SIPA1L1: variants seen among roughly 807,000 people sequenced by gnomAD.
SIPA1L1 encodes signal induced proliferation associated 1 like 1.
SIPA1L1 carries 26 observed loss-of-function variants against 162.7 expected under a neutral mutation model. That is an observed-to-expected ratio of 0.16 (90% CI 0.12 to 0.22). SIPA1L1 has a LOEUF of 0.22. Among genes scored for constraint, SIPA1L1 ranks in the 10% least tolerant of loss-of-function variants. The probability of loss-of-function intolerance (pLI) is 1.00; values close to 1 mark genes in which losing one functional copy is unlikely to be tolerated. For synonymous variants in SIPA1L1, 829 were observed against 837.4 expected (o/e 0.99, Z 0.17); for missense variants, 1,874 against 2,241.0 (o/e 0.84, Z 3.31).
chr14:71,590,447 A>T (rs1318201824), intron 5 of SIPA1L1, among the ~76,000 whole-genome samples: 1 of 152,126 alleles, frequency 6.6e-6, no homozygotes, highest in Non-Finnish European at 1.5e-5. Flanking sequence ...ATTTAAAATT[A>T]TTGAATGGTA....
intron 4 of SIPA1L1, among the ~76,000 whole-genome samples, chr14:71,564,853 T>G (rs1419528318): frequency 6.6e-6 from 1 of 152,184 alleles, no homozygotes; most frequent in African/African-American, 2.4e-5. Flanking sequence ...GTCAACTTAA[T>G]AGTAAAATAA....
intron 2 of SIPA1L1, among the ~76,000 whole-genome samples, chr14:71,434,928 T>C (rs1278567771): frequency 6.6e-6 from 1 of 152,244 alleles, no homozygotes; most frequent in Non-Finnish European, 1.5e-5. Flanking sequence ...GGTAGCATAC[T>C]GTACTATGCT....
At chr14:71,650,705 TA>T (rs1206218641) in intron 8 of SIPA1L1, among the ~76,000 whole-genome samples, 196 bp downstream of exon 8, 1 of 152,074 alleles carries the variant, frequency 6.6e-6, no homozygotes, top group African/African-American at 2.4e-5. Context: ...AATTAGACTC[TA>T]AAAAAATAGT....
At chr14:71,542,296 C>T (rs1019004308) in intron 4 of SIPA1L1, among the ~76,000 whole-genome samples, 17 of 150,334 alleles carry the variant, frequency 1.1e-4, no homozygotes, top group African/African-American at 4.2e-4. Context: ...TCTTCCTCTT[C>T]TCCTCTTCCT....
chr14:71,658,283 T>G, intron 8 of SIPA1L1, 50 bp from the exon 9 acceptor site: 1 of 897,322 alleles, frequency 1.1e-6, no homozygotes, highest in East Asian at 2.5e-5. Flanking sequence ...CTTAAATAAA[T>G]TATTTTTCCT....
chr14:71,451,928 A>G (rs2045856815), intron 2 of SIPA1L1, among the ~76,000 whole-genome samples: 1 of 152,210 alleles, frequency 6.6e-6, no homozygotes, highest in African/African-American at 2.4e-5. Context: ...GGAATTATAT[A>G]CATCAAAAAC....
At chr14:71,707,924 A>G (rs1409440444) in intron 16 of SIPA1L1, among the ~76,000 whole-genome samples, 2 of 151,710 alleles carry the variant, frequency 1.3e-5, no homozygotes, top group African/African-American at 4.8e-5. Flanking sequence ...TTATAGCCAA[A>G]GTGGCATCTC....
At chr14:71,692,352 C>G (rs964944351) in intron 13 of SIPA1L1, among the ~76,000 whole-genome samples, 1 of 152,278 alleles carries the variant, frequency 6.6e-6, no homozygotes, top group Non-Finnish European at 1.5e-5. Context: ...AAAATTGACT[C>G]AAAGTGAAAT....
intron 2 of SIPA1L1, among the ~76,000 whole-genome samples, chr14:71,456,230 C>T (rs940823152): frequency 1.1e-4 from 16 of 152,076 alleles, no homozygotes; most frequent in East Asian, 1.9e-4. Flanking sequence ...AAAGCAGCCA[C>T]GGTAAAAAAG....
intron 19 of SIPA1L1, among the ~76,000 whole-genome samples, chr14:71,725,582 T>A (rs2084159701): frequency 6.6e-6 from 1 of 152,220 alleles, no homozygotes; most frequent in Admixed American, 6.5e-5. Flanking sequence ...TGGAAAGGTT[T>A]GTGTACTCGT....
intron 2 of SIPA1L1, among the ~76,000 whole-genome samples, chr14:71,477,392 CAAA>C (rs1478566290): frequency 6.6e-6 from 1 of 151,904 alleles, no homozygotes; most frequent in African/African-American, 2.4e-5. Context: ...ACAAAAAAAA[CAAA>C]AACGCGGGTG....
chr14:71,645,192 G>A (rs957511079), intron 7 of SIPA1L1, among the ~76,000 whole-genome samples: 3 of 152,078 alleles, frequency 2.0e-5, no homozygotes, highest in African/African-American at 4.8e-5. Flanking sequence ...TTTTGTCTCC[G>A]TTGTCTTTTT....
At chr14:71,679,725 A>G (rs987788734) in intron 12 of SIPA1L1, among the ~76,000 whole-genome samples, 2 of 152,162 alleles carry the variant, frequency 1.3e-5, no homozygotes, top group South Asian at 4.1e-4. Context: ...TCAAAATAAA[A>G]GGATGGAGGA....
chr14:71,683,784 C>T (rs2046021952), intron 12 of SIPA1L1, among the ~76,000 whole-genome samples: 1 of 152,176 alleles, frequency 6.6e-6, no homozygotes, highest in Admixed American at 6.5e-5. Context: ...TCAAATGTGC[C>T]ATAAAACAAT....
chr14:71,670,566 G>A (rs1361540509), intron 10 of SIPA1L1, among the ~76,000 whole-genome samples: 1 of 152,128 alleles, frequency 6.6e-6, no homozygotes, highest in Non-Finnish European at 1.5e-5. Context: ...GTTGCATAAT[G>A]CCTCACACTT....
chr14:71,464,943 G>T (rs2046882014), intron 2 of SIPA1L1, among the ~76,000 whole-genome samples: 1 of 152,170 alleles, frequency 6.6e-6, no homozygotes, highest in Admixed American at 6.5e-5. Context: ...CTCCTGAGGA[G>T]AATCAACATT....
chr14:71,514,152 T>A (rs945713110), intron 3 of SIPA1L1, among the ~76,000 whole-genome samples: 2 of 152,164 alleles, frequency 1.3e-5, no homozygotes, highest in Non-Finnish European at 2.9e-5. Context: ...CGGTGCAGTA[T>A]CTGCAAAGAT....
chr14:71,663,407 A>G (rs1346824125), intron 10 of SIPA1L1, among the ~76,000 whole-genome samples: 1 of 152,232 alleles, frequency 6.6e-6, no homozygotes, highest in South Asian at 2.1e-4. Context: ...ATGAAAAGGT[A>G]GATTTAATAT....
chr14:71,685,146 G>A (rs2046177605), intron 12 of SIPA1L1, among the ~76,000 whole-genome samples: 1 of 152,190 alleles, frequency 6.6e-6, no homozygotes. Context: ...CACTCAAAAA[G>A]TTGGGATTGA....
Sources: allele counts gnomAD v4.1 joint callset (sites outside exome capture counted in the v4.1 genomes callset), GRCh38; gene constraint gnomAD v4.1.1; transcripts MANE v1.5; gene names NCBI Gene and HGNC (gene_info 2026-07-23, HGNC 2026-07-21).